The following COL28A1 variants were observed in gnomAD, a reference collection of about 807,000 sequenced individuals.
The protein encoded by COL28A1 is collagen alpha-1(XXVIII) chain.
COL28A1 carries 161 observed loss-of-function variants against 150.2 expected under a neutral mutation model. The ratio of observed to expected loss-of-function variants is 1.07; its 90% CI spans 0.94 to 1.22. The LOEUF (loss-of-function observed/expected upper bound fraction) is 1.22, where lower values mean the gene tolerates loss of function less well. Ranked by LOEUF, COL28A1 falls within the 50% of genes most tolerant of loss-of-function variation. The probability of loss-of-function intolerance (pLI) is 0.00; values close to 1 mark genes in which losing one functional copy is unlikely to be tolerated. For missense variants in COL28A1, 1,617 were observed against 1,388.3 expected (o/e 1.16, Z -2.62); for synonymous variants, 552 against 469.7 (o/e 1.18, Z -2.26).
chr7:7,379,474 C>T (rs1781744387), intron 30 of COL28A1, among the ~76,000 whole-genome samples: 1 of 152,066 alleles, frequency 6.6e-6, no homozygotes, highest in Non-Finnish European at 1.5e-5. Context: ...ACCCCGAGAC[C>T]ACATCTTCTA....
downstream of COL28A1, among the ~76,000 whole-genome samples, chr7:7,352,938 G>GA (rs112960392): frequency 9.0e-3 from 1,372 of 152,212 alleles, 22 homozygotes; most frequent in African/African-American, 0.032. Flanking sequence ...TAAGGGAAAG[G>GA]AAAAAAATCT....
intron 25 of COL28A1, among the ~76,000 whole-genome samples, chr7:7,428,537 C>A (rs1158314973): frequency 6.6e-6 from 1 of 152,200 alleles, no homozygotes; most frequent in East Asian, 1.9e-4. Flanking sequence ...GAGTTATCTG[C>A]AGCTCCTCGA....
intron 8 of COL28A1, among the ~76,000 whole-genome samples, chr7:7,513,769 G>C (rs953492822): frequency 6.6e-6 from 1 of 152,168 alleles, no homozygotes; most frequent in East Asian, 1.9e-4. Context: ...TTAGCTATAG[G>C]GGCCTGAGGA....
rs544217941 is a variant in COL28A1 at position 7,472,973 on chromosome 7, A to G, written c.1302+1628T>C. ...ATTCAGCTGGAATAATTGGCAAGCCATATGTAGAAGAATAAAACCGGATCC... is the reference window on the plus strand; with the variant it reads ...ATTCAGCTGGAATAATTGGCAAGCCGTATGTAGAAGAATAAAACCGGATCC... On this transcript the variant is annotated intron_variant, in intron 15 of 34. Coordinates refer to ENST00000399429, the MANE Select transcript of COL28A1 (RefSeq NM_001037763.3). Among the ~76,000 whole-genome samples, 93 of 152,358 alleles carry G rather than the reference A, an allele frequency of 6.1e-4. 1 individual carries two copies. Among genetic ancestry groups the G allele is most frequent in the African/African-American group, 2.1e-3 (88 of 41,600 alleles).
intron 18 of COL28A1, among the ~76,000 whole-genome samples, chr7:7,447,805 G>GA (rs1171483809): frequency 6.6e-6 from 1 of 152,064 alleles, no homozygotes; most frequent in Non-Finnish European, 1.5e-5. Flanking sequence ...AACACAGAGA[G>GA]AAAAGAGACT....
Position 7,370,763 on chromosome 7 carries a change from C to A in COL28A1, c.3028G>T (p.Glu1010Ter). The change falls in exon 33 of 35, where the codon GAA becomes TAA. Residue 1010 changes from glutamate (E) to a stop codon, truncating the protein, a stop_gained. Coordinates refer to ENST00000399429, the MANE Select transcript of COL28A1 (RefSeq NM_001037763.3). LOFTEE classifies it high-confidence loss of function. ...TCTTTTTGAGGCTCTGGAGTAGATT[C>A]ACTGAGTTCTTCCCCTGACATCCCA... is the stretch of plus-strand genomic sequence containing the variant. ...GFGMSGEELS[E>*]STPEPQKEIS... The A allele has an allele frequency of 6.2e-7, 1 of 1,613,768 alleles. No individual in the cohort carries two copies. Among genetic ancestry groups the A allele is most frequent in the Non-Finnish European group, 8.5e-7 (1 of 1,179,860 alleles).
the COL28A1 span, among the ~76,000 whole-genome samples, chr7:7,342,980 C>T: frequency 6.6e-6 from 1 of 151,806 alleles, no homozygotes; most frequent in Admixed American, 6.6e-5. Context: ...ACCCTCATAC[C>T]AGGAAATACA....
intron 22 of COL28A1, among the ~76,000 whole-genome samples, chr7:7,437,073 C>CAG (rs1785398250): frequency 6.6e-6 from 1 of 152,164 alleles, no homozygotes; most frequent in African/African-American, 2.4e-5. Context: ...GTGGATATCT[C>CAG]TTCTGCTAAA....
chr7:7,516,796 G>A (rs1413798413), intron 7 of COL28A1, among the ~76,000 whole-genome samples: 1 of 151,710 alleles, frequency 6.6e-6, no homozygotes, highest in East Asian at 1.9e-4. Flanking sequence ...GTCTCACTAT[G>A]TTGCTCAGGC....
chr7:7,341,241 CAG>C, the COL28A1 span, among the ~76,000 whole-genome samples: 1 of 152,154 alleles, frequency 6.6e-6, no homozygotes, highest in Non-Finnish European at 1.5e-5. Context: ...TCAGCATCAC[CAG>C]AGATGTGTCA....
chr7:7,531,435 T>C lies in COL28A1; in HGVS notation c.594A>G (p.Lys198=). ...ATGAATCCCCAGAAATCAAACGAAG[T>C]TTGGCTTCATTGACTACCGTAGAAA... The part of the protein sequence containing the change: ...IALSTVVNEA[K]LRLISGDSSS... Residue 198 remains lysine (K), a synonymous_variant, in exon 3 of 35, where the codon AAA becomes AAG. Transcript: ENST00000399429. 6.2e-7 allele frequency: 1 copy of C among 1,601,142 alleles called. No individual in the cohort carries two copies. Among genetic ancestry groups the C allele is most frequent in the South Asian group, 1.1e-5 (1 of 90,512 alleles).
intron 3 of COL28A1, among the ~76,000 whole-genome samples, chr7:7,525,376 C>A (rs1468807307): frequency 1.3e-5 from 2 of 152,168 alleles, no homozygotes; most frequent in African/African-American, 4.8e-5. Flanking sequence ...TACTTGAATT[C>A]AGTGGGATAT....
chr7:7,412,400 G>C (rs577137405), intron 27 of COL28A1, among the ~76,000 whole-genome samples: 2 of 152,218 alleles, frequency 1.3e-5, no homozygotes, highest in South Asian at 4.1e-4. Flanking sequence ...TTGGGTGTCT[G>C]TTTGGTATTG....
At chr7:7,407,597 G>A (rs998685434) in intron 27 of COL28A1, among the ~76,000 whole-genome samples, 2 of 151,816 alleles carry the variant, frequency 1.3e-5, no homozygotes, top group African/African-American at 4.8e-5. Flanking sequence ...TATCTTTTAA[G>A]AAGATATTAA....
chr7:7,534,371 C>T (rs1461009566), intron 1 of COL28A1, among the ~76,000 whole-genome samples: 2 of 152,086 alleles, frequency 1.3e-5, no homozygotes, highest in African/African-American at 4.8e-5. Flanking sequence ...TGTCCCTTTG[C>T]TAACCAAGGA....
At chr7:7,372,795 C>A (rs1268704057) in intron 32 of COL28A1, among the ~76,000 whole-genome samples, 5 of 152,106 alleles carry the variant, frequency 3.3e-5, no homozygotes, top group Non-Finnish European at 5.9e-5. Flanking sequence ...TTTATTAACC[C>A]TTAATAAAGA....
chr7:7,387,143 T>C (rs1782235572), intron 27 of COL28A1, among the ~76,000 whole-genome samples: 2 of 152,108 alleles, frequency 1.3e-5, no homozygotes, highest in African/African-American at 4.8e-5. Flanking sequence ...CCATATGAAT[T>C]TTCAGACCAC....
intron 27 of COL28A1, among the ~76,000 whole-genome samples, chr7:7,390,806 T>C (rs1782497253): frequency 6.6e-6 from 1 of 152,212 alleles, no homozygotes; most frequent in Non-Finnish European, 1.5e-5. Flanking sequence ...TCTCTGATGG[T>C]AGTTGGTATT....
chr7:7,514,820 G>A (rs1781332261), intron 8 of COL28A1, among the ~76,000 whole-genome samples: 3 of 152,244 alleles, frequency 2.0e-5, no homozygotes, highest in Admixed American at 2.0e-4. Context: ...GCCCCGGGTA[G>A]CACAACAAAG....
Sources: allele counts gnomAD v4.1 joint callset (sites outside exome capture counted in the v4.1 genomes callset), GRCh38; gene constraint gnomAD v4.1.1; transcripts MANE v1.5; gene names NCBI Gene and HGNC (gene_info 2026-07-23, HGNC 2026-07-21).